The following LIPH variants were observed in gnomAD, a reference collection of about 807,000 sequenced individuals.
LIPH encodes the protein lipase member H.
Under a neutral mutation model 47.6 loss-of-function variants are expected in LIPH, and 32 were observed. The observed-to-expected ratio is 0.67, with a 90% CI of 0.51 to 0.90. LIPH has a LOEUF of 0.90. LIPH is among the 40% of genes least tolerant of loss of function. The pLI is 0.00. For missense variants in LIPH, 497 were observed against 541.4 expected (o/e 0.92, Z 0.81); for synonymous variants, 190 against 195.6 (o/e 0.97, Z 0.24).
intron 1 of LIPH, chr3:185,546,868 T>C: frequency 2.3e-6 from 1 of 442,704 alleles, no homozygotes; most frequent in Non-Finnish European, 4.5e-6. Context: ...CAGCTCTGGC[T>C]TCTTCTACCT....
chr3:185,523,350 T>G (rs946186716), intron 5 of LIPH, among the ~76,000 whole-genome samples: 3 of 152,208 alleles, frequency 2.0e-5, no homozygotes, highest in Admixed American at 6.6e-5. Flanking sequence ...CTCAGGAAGT[T>G]TGTTTTCTAT....
At chr3:185,551,955 G>T (rs879342832) in intron 1 of LIPH, among the ~76,000 whole-genome samples, 4 of 151,758 alleles carry the variant, frequency 2.6e-5, no homozygotes, top group Non-Finnish European at 5.9e-5. Flanking sequence ...ATAAAATTAT[G>T]TTTTCTCTAA....
Position 185,508,754 on chromosome 3 carries a change from C to T in LIPH, c.*36G>A. ...TCAAACAGCCTGTGGTTGTAGCTTT[C>T]TTTCTATTATTTATGGCCATGTGTC... On this transcript the variant is annotated 3_prime_UTR_variant, in exon 10 of 10. Coordinates refer to ENST00000296252, the MANE Select transcript of LIPH (RefSeq NM_139248.3). The T allele has an allele frequency of 7.0e-7, 1 of 1,425,752 alleles. No homozygotes were observed. Among genetic ancestry groups the T allele is most frequent in the African/African-American group, 1.4e-5 (1 of 71,268 alleles). 88.3% of individuals were successfully genotyped at this position (1,425,752 alleles called of 1,614,324 possible).
chr3:185,536,216 G>A (rs1262734374), intron 1 of LIPH, among the ~76,000 whole-genome samples: 1 of 152,118 alleles, frequency 6.6e-6, no homozygotes, highest in Non-Finnish European at 1.5e-5. Context: ...CCCTCACAGT[G>A]CCCAGCACAT....
Position 185,527,537 on chromosome 3 carries a change from C to T in LIPH, c.575G>A (p.Arg192Lys), listed in dbSNP as rs769118659. ...PLFNGKPHQD[R>K]LDPSDAQFVD... Reference sequence around the variant, plus strand: ...AAACTGCGCATCACTGGGATCTAATCTGTCTTGGTGAGGTTTCCCGTTGAA... The same window carrying T: ...AAACTGCGCATCACTGGGATCTAATTTGTCTTGGTGAGGTTTCCCGTTGAA... The change falls in exon 4 of 10, where the codon AGA becomes AAA. Residue 192 changes from arginine (R) to lysine (K), a missense_variant. Coordinates refer to ENST00000296252, the MANE Select transcript of LIPH (RefSeq NM_139248.3). 2.5e-6 allele frequency: 4 copies of T among 1,612,906 alleles called. No individual in the cohort carries two copies. In the African/African-American group the frequency reaches 4.0e-5, roughly 16 times the overall value.
At chr3:185,524,382 T>C (rs1719998963) in intron 4 of LIPH, among the ~76,000 whole-genome samples, 1 of 152,196 alleles carries the variant, frequency 6.6e-6, no homozygotes, top group Admixed American at 6.5e-5. Context: ...ACTTCCAATA[T>C]TTCTAACAAC....
chr3:185,515,002 C>G (rs1336335638), intron 7 of LIPH, among the ~76,000 whole-genome samples: 1 of 152,166 alleles, frequency 6.6e-6, no homozygotes, highest in East Asian at 1.9e-4. Flanking sequence ...CCTTCACCCA[C>G]CTGGGCACGC....
chr3:185,520,740 C>T (rs1033924222), intron 5 of LIPH, among the ~76,000 whole-genome samples: 3 of 152,064 alleles, frequency 2.0e-5, no homozygotes, highest in Non-Finnish European at 2.9e-5. Flanking sequence ...ATATCATCCC[C>T]GCTCCAGTAA....
chr3:185,527,486 T>C lies in LIPH; in HGVS notation c.626A>G (p.Asp209Gly). The part of the protein sequence containing the change: ...QFVDVIHSDT[D>G]ALGYKEPLGN... ...ACCCACAAGGAAAGGAGCGTTACCATCAGTGTCGGAATGGATGACATCAAC... is the reference window on the plus strand; with the variant it reads ...ACCCACAAGGAAAGGAGCGTTACCACCAGTGTCGGAATGGATGACATCAAC... Residue 209 changes from aspartate to glycine, a missense_variant and splice_region_variant, in exon 4 of 10, where the codon GAT becomes GGT. Transcript: ENST00000296252. 6.2e-7 allele frequency: 1 copy of C among 1,606,100 alleles called. No homozygotes were observed. The highest frequency in any genetic ancestry group is 8.5e-7 in the Non-Finnish European group (1 of 1,173,410).
At chr3:185,532,829 A>T (rs1720375411) in intron 3 of LIPH, among the ~76,000 whole-genome samples, 2 of 151,950 alleles carry the variant, frequency 1.3e-5, no homozygotes, top group South Asian at 2.1e-4. Context: ...AATTTAAATT[A>T]AAAATAAAAT....
intron 1 of LIPH, among the ~76,000 whole-genome samples, chr3:185,550,502 C>G (rs2148968181): frequency 6.6e-6 from 1 of 152,168 alleles, no homozygotes; most frequent in Admixed American, 6.5e-5. Context: ...AAGAAGGTAC[C>G]CACAAGCCAT....
chr3:185,548,695 C>G (rs904459238), intron 1 of LIPH, among the ~76,000 whole-genome samples: 2 of 152,106 alleles, frequency 1.3e-5, no homozygotes, highest in African/African-American at 4.8e-5. Flanking sequence ...CCACTGCACT[C>G]TAGCCTGGGC....
chr3:185,520,237 C>T (rs1719859707), intron 5 of LIPH, among the ~76,000 whole-genome samples: 1 of 151,990 alleles, frequency 6.6e-6, no homozygotes, highest in African/African-American at 2.4e-5. Flanking sequence ...AAGTAAATTG[C>T]TGGCTGGGCA....
intron 1 of LIPH, chr3:185,547,089 C>T (rs992199394): frequency 1.7e-5 from 5 of 295,192 alleles, no homozygotes; most frequent in East Asian, 1.2e-4. Flanking sequence ...TGCAGTGAGC[C>T]GAGATCACAC....
intron 3 of LIPH, among the ~76,000 whole-genome samples, chr3:185,528,319 G>GAAA (rs1720181449): frequency 1.3e-5 from 1 of 77,086 alleles, no homozygotes. Flanking sequence ...AAGAAAGAAA[G>GAAA]AAAGAAGAAA....
intron 1 of LIPH, among the ~76,000 whole-genome samples, chr3:185,544,483 T>C (rs930249839): frequency 6.6e-6 from 1 of 152,056 alleles, no homozygotes; most frequent in African/African-American, 2.4e-5. Context: ...CCTCCCCAAG[T>C]AGCTAGGATT....
chr3:185,529,926 G>GA (rs1280936106), intron 3 of LIPH, among the ~76,000 whole-genome samples: 8 of 42,522 alleles, frequency 1.9e-4, no homozygotes, highest in African/African-American at 4.9e-4. Context: ...AAGAAAGAAA[G>GA]AAAGAAAGAA....
intron 4 of LIPH, among the ~76,000 whole-genome samples, chr3:185,525,112 G>C (rs1179318690): frequency 6.6e-6 from 1 of 152,006 alleles, no homozygotes; most frequent in Non-Finnish European, 1.5e-5. Flanking sequence ...CTACTCAAGG[G>C]GTTGAGGTGG....
At chr3:185,549,042 A>ACCTC (rs1720972537) in intron 1 of LIPH, among the ~76,000 whole-genome samples, 1 of 151,926 alleles carries the variant, frequency 6.6e-6, no homozygotes, top group Non-Finnish European at 1.5e-5. Context: ...TGAGGCAGAG[A>ACCTC]ATTGCTTGAA....
Sources: allele counts gnomAD v4.1 joint callset (sites outside exome capture counted in the v4.1 genomes callset), GRCh38; gene constraint gnomAD v4.1.1; transcripts MANE v1.5; gene names NCBI Gene and HGNC (gene_info 2026-07-23, HGNC 2026-07-21).